WWOX: variants seen among roughly 807,000 people sequenced by gnomAD.
The protein encoded by WWOX is WW domain-containing oxidoreductase.
WWOX carries 69 observed loss-of-function variants against 46.2 expected under a neutral mutation model. That is an observed-to-expected ratio of 1.49 (90% CI 1.23 to 1.82). The LOEUF is 1.82. WWOX is among the 40% of genes most tolerant of loss of function. The pLI, the probability that WWOX is intolerant of heterozygous loss-of-function variation, is 0.00. For missense variants in WWOX, 919 were observed against 542.6 expected (o/e 1.69, Z -6.89); for synonymous variants, 359 against 202.6 (o/e 1.77, Z -6.56).
rs149505519 is a variant in WWOX, at chr16:78,905,529, G to T, written c.1057-306079G>T. The stretch of plus-strand genomic sequence containing the variant: ...CCTGTGTAGTGGAGACCATAGGCAT[G>T]TTCCACCACACCTAGTTAATTTTTT... On this transcript the variant is annotated intron_variant, in intron 8 of 8. Transcript: ENST00000566780. 4.7e-3 allele frequency among the ~76,000 whole-genome samples: 716 copies of T among 152,156 alleles called. 5 individuals are homozygous for T. Among genetic ancestry groups the T allele is most frequent in the Admixed American group, 0.012 (184 of 15,278 alleles).
At chr16:78,697,067 A>G (rs116547661) in intron 8 of WWOX, among the ~76,000 whole-genome samples, 1 of 152,296 alleles carries the variant, frequency 6.6e-6, no homozygotes, top group African/African-American at 2.4e-5. Context: ...TTGTTGGTAG[A>G]TGGCCATTTG....
chr16:79,174,867 C>G (rs937240983), intron 8 of WWOX, among the ~76,000 whole-genome samples: 1 of 152,118 alleles, frequency 6.6e-6, no homozygotes, highest in African/African-American at 2.4e-5. Flanking sequence ...ACTTATTGAG[C>G]CTTTACTAGA....
intron 1 of WWOX, among the ~76,000 whole-genome samples, chr16:78,107,962 C>G (rs539222639): frequency 3.9e-5 from 6 of 151,998 alleles, no homozygotes; most frequent in African/African-American, 1.4e-4. Context: ...CAGAGTCTTG[C>G]TCTGTCGCCA....
At chr16:78,740,663 T>C (rs1488332127) in intron 8 of WWOX, among the ~76,000 whole-genome samples, 2 of 151,992 alleles carry the variant, frequency 1.3e-5, no homozygotes, top group African/African-American at 4.8e-5. Flanking sequence ...GGCAAAAAGG[T>C]TAATGTGTTG....
intron 8 of WWOX, among the ~76,000 whole-genome samples, chr16:78,955,200 G>A (rs887234095): frequency 3.3e-5 from 5 of 152,220 alleles, no homozygotes; most frequent in African/African-American, 1.2e-4. Context: ...AGAGATCAGG[G>A]CCATATGCTA....
chr16:78,441,399 C>T (rs1464180818), intron 8 of WWOX, among the ~76,000 whole-genome samples: 1 of 152,112 alleles, frequency 6.6e-6, no homozygotes, highest in Non-Finnish European at 1.5e-5. Context: ...ATCATTTATC[C>T]CTCTGAGGTA....
intron 8 of WWOX, among the ~76,000 whole-genome samples, chr16:78,630,017 T>G (rs1026623853): frequency 1.3e-5 from 2 of 152,212 alleles, no homozygotes; most frequent in African/African-American, 4.8e-5. Flanking sequence ...TTTTTTCTCC[T>G]TAGCACTTAC....
chr16:78,979,463 G>C (rs955934230), intron 8 of WWOX, among the ~76,000 whole-genome samples: 1 of 152,148 alleles, frequency 6.6e-6, no homozygotes, highest in Non-Finnish European at 1.5e-5. Context: ...GAGGTGCTCA[G>C]ATATGGTGGC....
chr16:79,152,683 A>C (rs5009591), intron 8 of WWOX, among the ~76,000 whole-genome samples: 46,713 of 151,174 alleles, frequency 0.31, 7,717 homozygotes, highest in East Asian at 0.52. Context: ...GAAAAAAAAA[A>C]AAAAACAAAA....
At chr16:78,388,645 CAAAAAAAAAAAAAA>C (rs59881601) in intron 6 of WWOX, among the ~76,000 whole-genome samples, 5 of 53,048 alleles carry the variant, frequency 9.4e-5, no homozygotes, top group South Asian at 9.9e-4. Context: ...GACTCCGTCT[CAAAAAAAAAAAAAA>C]AAAAAAAAAA....
At chr16:78,614,386 A>G (rs1281655907) in intron 8 of WWOX, among the ~76,000 whole-genome samples, 1 of 152,198 alleles carries the variant, frequency 6.6e-6, no homozygotes, top group East Asian at 1.9e-4. Context: ...TCAATGCATC[A>G]TTTATTCTGA....
chr16:78,543,276 G>A (rs1414392581), intron 8 of WWOX, among the ~76,000 whole-genome samples: 3 of 152,178 alleles, frequency 2.0e-5, no homozygotes, highest in Admixed American at 6.5e-5. Flanking sequence ...TTTCCTCTTG[G>A]CTGCCTACTG....
chr16:78,229,515 GAT>G (rs373164261), intron 5 of WWOX, among the ~76,000 whole-genome samples: 36 of 80,438 alleles, frequency 4.5e-4, no homozygotes, highest in African/African-American at 1.1e-3. Context: ...TCTATATAGA[GAT>G]ATATATATAT....
chr16:78,372,738 T>C (rs933852927), intron 5 of WWOX, among the ~76,000 whole-genome samples: 1 of 152,234 alleles, frequency 6.6e-6, no homozygotes, highest in African/African-American at 2.4e-5. Context: ...AATTTCTTAA[T>C]AATCTTATAG....
At chr16:78,965,787 G>T (rs2046353311) in intron 8 of WWOX, among the ~76,000 whole-genome samples, 1 of 152,136 alleles carries the variant, frequency 6.6e-6, no homozygotes, top group African/African-American at 2.4e-5. Flanking sequence ...CCTTCACTCA[G>T]TGATGTTATA....
intron 8 of WWOX, among the ~76,000 whole-genome samples, chr16:78,972,042 T>C (rs531219288): frequency 3.7e-4 from 57 of 152,266 alleles, no homozygotes; most frequent in African/African-American, 1.1e-3. Flanking sequence ...CCTGTCACTT[T>C]AGAAGACCCT....
At chr16:78,692,152 A>G (rs1379095855) in intron 8 of WWOX, among the ~76,000 whole-genome samples, 2 of 152,190 alleles carry the variant, frequency 1.3e-5, no homozygotes, top group Non-Finnish European at 2.9e-5. Context: ...ACGGACTAAT[A>G]CAGTGAGGAA....
rs763062943 is a variant in WWOX at position 79,212,035 on chromosome 16, G to A, written c.*239G>A. 5 of 1,536,092 alleles carry A rather than the reference G, an allele frequency of 3.3e-6. No homozygotes were observed. The highest frequency in any genetic ancestry group is 2.6e-6 in the Non-Finnish European group (3 of 1,146,894). On this transcript the variant is annotated 3_prime_UTR_variant, in exon 9 of 9. Transcript: ENST00000566780. The stretch of plus-strand genomic sequence containing the variant: ...ATAGGTCTCTTTGCTTTCTGGTGGT[G>A]GCCTGTTTGAAAGTAAAAACCTGCT...
At chr16:79,117,633 T>G (rs944533607) in intron 8 of WWOX, among the ~76,000 whole-genome samples, 3 of 152,242 alleles carry the variant, frequency 2.0e-5, no homozygotes, top group South Asian at 2.1e-4. Flanking sequence ...CAGAAAGCTG[T>G]TTTGTCTACA....
Sources: gnomAD v4.1 joint callset for allele counts (sites outside exome capture counted in the v4.1 genomes callset) on GRCh38, gnomAD v4.1.1 for gene constraint, MANE v1.5 for transcripts, NCBI Gene and HGNC (gene_info 2026-07-23, HGNC 2026-07-21) for gene names.